Variants in CNOT11 observed in about 807,000 individuals in gnomAD.
CNOT11 encodes the protein CCR4-NOT transcription complex subunit 11, also known as UPF0760 protein C2orf29.
Under a neutral mutation model 44.6 loss-of-function variants are expected in CNOT11, and 18 were observed. That is an observed-to-expected ratio of 0.40 (90% CI 0.28 to 0.60). The LOEUF (loss-of-function observed/expected upper bound fraction) is 0.60. CNOT11 is among the 20% of genes least tolerant of loss of function. The pLI, the probability that CNOT11 is intolerant of heterozygous loss-of-function variation, is 0.38. For synonymous variants in CNOT11, 291 were observed against 270.9 expected (o/e 1.07, Z -0.73); for missense variants, 513 against 677.0 (o/e 0.76, Z 2.69).
intron 1 of CNOT11, among the ~76,000 whole-genome samples, chr2:101,255,055 A>G (rs1025100904): frequency 3.9e-5 from 6 of 152,222 alleles, no homozygotes; most frequent in African/African-American, 1.4e-4. Context: ...CATTATACAC[A>G]CAGATTTGCC....
At position 101,252,985 on chromosome 2, in the gene CNOT11, C is replaced by T; in HGVS notation, c.21C>T (p.Ser7=). 1.3e-6 allele frequency: 2 copies of T among 1,490,348 alleles called. No individual in the cohort carries two copies. The highest frequency in any genetic ancestry group is 8.9e-7 in the Non-Finnish European group (1 of 1,127,740). 92.3% of individuals were successfully genotyped at this position (1,490,348 alleles called of 1,614,324 possible). Residue 7 remains serine, a synonymous_variant, in exon 1 of 7, where the codon AGC becomes AGT. Coordinates refer to ENST00000289382, the MANE Select transcript of CNOT11 (RefSeq NM_017546.5). MPGGGA[S]AASGRLLTAA... Reference sequence around the variant, plus strand: ...GGTTGATGCCCGGCGGAGGGGCGAGCGCGGCGTCTGGCCGGCTTCTCACCG... The same window carrying T: ...GGTTGATGCCCGGCGGAGGGGCGAGTGCGGCGTCTGGCCGGCTTCTCACCG...
chr2:101,261,648 C>T (rs571847355), intron 2 of CNOT11, among the ~76,000 whole-genome samples: 1 of 152,300 alleles, frequency 6.6e-6, no homozygotes, highest in South Asian at 2.1e-4. Flanking sequence ...ACATCCTCTT[C>T]AGCATTTGGT....
Position 101,262,581 on chromosome 2 carries a change from C to T in CNOT11, c.722C>T (p.Pro241Leu), listed in dbSNP as rs1170227925. Residue 241 changes from proline (P) to leucine (L), a missense_variant, in exon 3 of 7, where the codon CCC becomes CTC. Physicochemically the swap from Pro to Leu is moderately conservative, Grantham distance 98. Transcript: ENST00000289382. ...CCAACGCAAAGCAAAGCGAGCTTCC[C>T]CAGTATTCTCAGTGACCCAGACCCG... is the stretch of plus-strand genomic sequence containing the variant. ...ELPTQSKASFPSILSDPDPDS... is the reference protein window; with the variant it reads ...ELPTQSKASFLSILSDPDPDS... 6.2e-7 allele frequency: 1 copy of T among 1,614,158 alleles called. No homozygotes were observed. The highest frequency in any genetic ancestry group is 8.5e-7 in the Non-Finnish European group (1 of 1,180,020).
intron 1 of CNOT11, among the ~76,000 whole-genome samples, chr2:101,256,682 G>A (rs1331407358): frequency 2.0e-5 from 3 of 152,226 alleles, no homozygotes; most frequent in African/African-American, 4.8e-5. Context: ...GCATTTCCGA[G>A]CACTATAGTG....
At chr2:101,261,818 A>G (rs1374844052) in intron 2 of CNOT11, among the ~76,000 whole-genome samples, 3 of 123,544 alleles carry the variant, frequency 2.4e-5, no homozygotes, top group African/African-American at 8.9e-5. Context: ...TTACTAGTCC[A>G]TTTTTTCCTG....
chr2:101,263,996 G>A (rs1271623690), intron 3 of CNOT11, among the ~76,000 whole-genome samples: 6 of 152,252 alleles, frequency 3.9e-5, no homozygotes. Flanking sequence ...TGAGGTAAGT[G>A]AAGAGGCAGT....
intron 5 of CNOT11, among the ~76,000 whole-genome samples, chr2:101,267,343 G>A (rs768077372): frequency 7.2e-5 from 11 of 152,024 alleles, no homozygotes; most frequent in South Asian, 6.2e-4. Flanking sequence ...GGCGGGTCTC[G>A]AACTTCTGAC....
intron 5 of CNOT11, among the ~76,000 whole-genome samples, chr2:101,268,272 G>A (rs984126406): frequency 6.6e-6 from 1 of 152,156 alleles, no homozygotes; most frequent in Non-Finnish European, 1.5e-5. Flanking sequence ...TTCTGTGCAG[G>A]TCCTCCGGAT....
At chr2:101,265,533 C>T (rs550105723) in intron 4 of CNOT11, among the ~76,000 whole-genome samples, 115 of 152,168 alleles carry the variant, frequency 7.6e-4, no homozygotes, top group African/African-American at 2.7e-3. Context: ...CTTTGTTCTA[C>T]TCTTTGGTAA....
intron 2 of CNOT11, chr2:101,262,318 G>A: frequency 2.0e-6 from 1 of 493,434 alleles, no homozygotes; most frequent in South Asian, 3.4e-5. Context: ...GATAAAAATA[G>A]TTGTTTTGTT....
intron 3 of CNOT11, among the ~76,000 whole-genome samples, chr2:101,263,247 C>A (rs538622225): frequency 6.6e-6 from 1 of 151,950 alleles, no homozygotes; most frequent in Admixed American, 6.6e-5. Context: ...TCTCATTTTA[C>A]TGAAATGAGT....
chr2:101,257,055 AAAAAG>A lies in CNOT11; in HGVS notation c.515-726_515-722del, dbSNP rs1214259336. Among the ~76,000 whole-genome samples the A allele has an allele frequency of 3.3e-5, 5 of 152,112 alleles. No homozygotes were observed. In the East Asian group the frequency reaches 5.8e-4, roughly 18 times the overall value. On this transcript the variant is annotated intron_variant, in intron 1 of 6. Coordinates refer to ENST00000289382, the MANE Select transcript of CNOT11 (RefSeq NM_017546.5). ...CAGAGCGAGATTCCATCTCAAAAAA[AAAAAG>A]AAAAGAAAATGAAGTTACTAATGTG... is the stretch of plus-strand genomic sequence containing the variant.
chr2:101,265,867 A>G (rs139140670), intron 4 of CNOT11, among the ~76,000 whole-genome samples: 27 of 152,274 alleles, frequency 1.8e-4, no homozygotes, highest in East Asian at 1.4e-3. Context: ...CCACTCTTCT[A>G]TTGGTTGGTG....
chr2:101,269,231 CTT>C lies in CNOT11; in HGVS notation c.1352_1353del (p.Leu451ArgfsTer11). 1 of 1,612,532 alleles carries C rather than the reference CTT, an allele frequency of 6.2e-7. No homozygotes were observed. The highest frequency in any genetic ancestry group is 8.5e-7 in the Non-Finnish European group (1 of 1,179,444). On this transcript the variant is annotated frameshift_variant, in exon 7 of 7. Transcript: ENST00000289382. LOFTEE classifies it high-confidence loss of function. This position sits in a 1 kb window ranked among gnomAD's most constrained non-coding sequence, Gnocchi z 4.8. ...CCTTTTTCAGAATCGGTTGGTGCGT[CTT>C]GTGTGTGTGTTTCTCCAATCCTTGA... is the stretch of plus-strand genomic sequence containing the variant. ...DKYMQNRLVR[L>X]VCVFLQSLIR...
chr2:101,264,876 G>A lies in CNOT11; in HGVS notation c.864G>A (p.Pro288=), dbSNP rs770214344. Residue 288 remains proline (P), a synonymous_variant, in exon 4 of 7, where the codon CCG becomes CCA. Coordinates refer to ENST00000289382, the MANE Select transcript of CNOT11 (RefSeq NM_017546.5). ...TTCGACCAGAGTTTATTCGTCCACC[G>A]CCTCCACTCCACATTTGTGAGGATG... is the stretch of plus-strand genomic sequence containing the variant. ...SHFRPEFIRP[P]PPLHICEDEL... 41 of 1,613,830 alleles carry A rather than the reference G, an allele frequency of 2.5e-5. No homozygotes were observed. In the Middle Eastern group the frequency reaches 4.9e-4, roughly 19 times the overall value.
At position 101,269,131 on chromosome 2, in the gene CNOT11, A is replaced by T; in HGVS notation, c.1330A>T (p.Met444Leu). The T allele has an allele frequency of 6.3e-7, 1 of 1,597,810 alleles. No individual in the cohort carries two copies. Among genetic ancestry groups the T allele is most frequent in the Admixed American group, 1.7e-5 (1 of 58,372 alleles). Reference protein sequence around the residue: ...STCEQIKDKYMQNRLVRLVCV... With the variant: ...STCEQIKDKYLQNRLVRLVCV... ...TTGTGAACAGATTAAGGATAAATAT[A>T]TGCAGGTAATATAAATTTTTGTAAA... is the stretch of plus-strand genomic sequence containing the variant. The change falls in exon 6 of 7, where the codon ATG becomes TTG. Residue 444 changes from methionine (M) to leucine (L), a missense_variant. Physicochemically the swap from Met to Leu is conservative, Grantham distance 15. Coordinates refer to ENST00000289382, the MANE Select transcript of CNOT11 (RefSeq NM_017546.5). The surrounding 1 kb of genome is among the most constrained non-coding windows in gnomAD (Gnocchi z 4.8).
intron 3 of CNOT11, among the ~76,000 whole-genome samples, chr2:101,263,643 A>G (rs1443862684): frequency 2.6e-5 from 4 of 152,246 alleles, no homozygotes; most frequent in Non-Finnish European, 5.9e-5. Flanking sequence ...TAGTATCACC[A>G]TGAGTTTGAA....
chr2:101,257,837 G>A lies in CNOT11; in HGVS notation c.561G>A (p.Gln187=). The A allele has an allele frequency of 1.2e-6, 2 of 1,613,814 alleles. No homozygotes were observed. Among genetic ancestry groups the A allele is most frequent in the South Asian group, 2.2e-5 (2 of 91,026 alleles). The part of the protein sequence containing the change: ...ITPPEKFFLS[Q]LMLAPPRELF... ...CACCAGAAAAGTTTTTTCTTTCCCA[G>A]CTGATGCTGGCACCCCCACGGGAAC... Residue 187 remains glutamine (Q), a synonymous_variant, in exon 2 of 7, where the codon CAG becomes CAA. Transcript: ENST00000289382.
chr2:101,260,337 A>G (rs566984253), intron 2 of CNOT11, among the ~76,000 whole-genome samples: 1 of 152,288 alleles, frequency 6.6e-6, no homozygotes, highest in African/African-American at 2.4e-5. Flanking sequence ...TAAAGTGAGA[A>G]TCACATCTGA....
Sources: allele counts gnomAD v4.1 joint callset (sites outside exome capture counted in the v4.1 genomes callset), GRCh38; gene constraint gnomAD v4.1.1; non-coding constraint Gnocchi (gnomAD v3.1); transcripts MANE v1.5; gene names NCBI Gene and HGNC (gene_info 2026-07-23, HGNC 2026-07-21).